ASTN1: variants seen among roughly 807,000 people sequenced by gnomAD.
ASTN1 encodes astrotactin-1.
A neutral mutation model predicts 140.7 loss-of-function variants in ASTN1; 41 were observed. That is an observed-to-expected ratio of 0.29 (90% CI 0.23 to 0.38). The LOEUF is 0.38. ASTN1 is among the 10% of genes least tolerant of loss of function. The pLI is 1.00. For synonymous variants in ASTN1, 640 were observed against 652.2 expected (o/e 0.98, Z 0.29); for missense variants, 1,479 against 1,678.8 (o/e 0.88, Z 2.08).
chr1:177,075,909 C>T (rs554406176), intron 1 of ASTN1, among the ~76,000 whole-genome samples: 56 of 151,906 alleles, frequency 3.7e-4, no homozygotes, highest in African/African-American at 1.2e-4. Context: ...CCCAAAGCAC[C>T]GTGATTACAG....
At chr1:177,142,905 G>C (rs11484576) in intron 1 of ASTN1, among the ~76,000 whole-genome samples, 4 of 137,306 alleles carry the variant, frequency 2.9e-5, no homozygotes, top group East Asian at 2.3e-4. Flanking sequence ...AAAAAAAAAG[G>C]GGGGGAGGGG....
At chr1:176,879,782 G>T (rs1217894300) in intron 20 of ASTN1, among the ~76,000 whole-genome samples, 1 of 152,206 alleles carries the variant, frequency 6.6e-6, no homozygotes, top group Non-Finnish European at 1.5e-5. Context: ...GCAGGTATTA[G>T]AAAAGGAGAT....
chr1:177,024,822 A>G (rs1297570443), intron 5 of ASTN1, 90 bp from the exon 6 acceptor site: 2 of 1,442,822 alleles, frequency 1.4e-6, no homozygotes, highest in East Asian at 2.4e-5. Context: ...CCTGGCAAAC[A>G]GGGGAGACAG....
Position 177,032,511 on chromosome 1 carries a change from G to GC in ASTN1, c.809dup (p.Thr271HisfsTer10). 1 of 1,614,110 alleles carries GC rather than the reference G, an allele frequency of 6.2e-7. No individual in the cohort carries two copies. Among genetic ancestry groups the GC allele is most frequent in the Non-Finnish European group, 8.5e-7 (1 of 1,180,018 alleles). Reference sequence around the variant, plus strand: ...TGCAGCCCTGCAGGGAGTCGAGGGTGCGCGTGACCTGGCTGGCAAAGTCCT... The same window carrying GC: ...TGCAGCCCTGCAGGGAGTCGAGGGTGCCGCGTGACCTGGCTGGCAAAGTCCT... On this transcript the variant is annotated frameshift_variant, in exon 3 of 23. Coordinates refer to ENST00000361833, the MANE Select transcript of ASTN1 (RefSeq NM_004319.3). LOFTEE classifies it high-confidence loss of function.
At chr1:176,909,814 G>A (rs979746977) in intron 16 of ASTN1, among the ~76,000 whole-genome samples, 1 of 152,016 alleles carries the variant, frequency 6.6e-6, no homozygotes, top group Non-Finnish European at 1.5e-5. Context: ...GACCCTGGGC[G>A]TATCTTTCCA....
chr1:177,078,961 A>C (rs1226847253), intron 1 of ASTN1, among the ~76,000 whole-genome samples: 2 of 152,196 alleles, frequency 1.3e-5, no homozygotes, highest in Non-Finnish European at 2.9e-5. Context: ...AGTAGAAAAA[A>C]GTCTGGTTTG....
At chr1:177,132,955 T>C (rs1276565112) in intron 1 of ASTN1, among the ~76,000 whole-genome samples, 1 of 152,228 alleles carries the variant, frequency 6.6e-6, no homozygotes, top group Non-Finnish European at 1.5e-5. Flanking sequence ...CTCCTTGTGA[T>C]CCAGCATGGG....
intron 16 of ASTN1, among the ~76,000 whole-genome samples, chr1:176,906,390 CA>C (rs1261336025): frequency 1.3e-5 from 2 of 152,116 alleles, no homozygotes; most frequent in Non-Finnish European, 2.9e-5. Flanking sequence ...CAACATGTGT[CA>C]GAAACAGTGC....
At chr1:176,885,330 G>A (rs760885505) in intron 18 of ASTN1, among the ~76,000 whole-genome samples, 5 of 152,048 alleles carry the variant, frequency 3.3e-5, no homozygotes, top group Admixed American at 6.6e-5. Context: ...TCTGTACCTC[G>A]CAGAAACTTA....
intron 1 of ASTN1, among the ~76,000 whole-genome samples, chr1:177,145,777 G>C (rs1310327458): frequency 1.3e-5 from 2 of 152,148 alleles, no homozygotes; most frequent in African/African-American, 4.8e-5. Flanking sequence ...TTATTCTGTG[G>C]GAATGTTGTA....
intron 9 of ASTN1, among the ~76,000 whole-genome samples, chr1:176,959,101 AT>A (rs140325039): frequency 0.17 from 26,403 of 150,934 alleles, 3,035 homozygotes; most frequent in Non-Finnish European, 0.26. Flanking sequence ...TACAGGGAAG[AT>A]TTTTTTTTTA....
chr1:176,907,512 G>A (rs1670052968), intron 16 of ASTN1, among the ~76,000 whole-genome samples: 1 of 152,168 alleles, frequency 6.6e-6, no homozygotes, highest in African/African-American at 2.4e-5. Context: ...TACTTCACAA[G>A]CACTTTGCTT....
intron 1 of ASTN1, among the ~76,000 whole-genome samples, chr1:177,087,989 GAGCTGTTTGCAA>G (rs1225601154): frequency 1.3e-5 from 2 of 152,120 alleles, no homozygotes; most frequent in Non-Finnish European, 1.5e-5. Context: ...GGGATTTACT[GAGCTGTTTGCAA>G]AGAGCTTTGG....
chr1:177,066,165 TCTC>T (rs1678342324), intron 1 of ASTN1, among the ~76,000 whole-genome samples: 1 of 152,154 alleles, frequency 6.6e-6, no homozygotes, highest in South Asian at 2.1e-4. Flanking sequence ...AAACTCCACT[TCTC>T]CTTTCCCTCT....
chr1:176,966,876 TAATA>T (rs1395410320), intron 8 of ASTN1, among the ~76,000 whole-genome samples: 1 of 152,008 alleles, frequency 6.6e-6, no homozygotes, highest in Non-Finnish European at 1.5e-5. Flanking sequence ...CTCCCTTAAT[TAATA>T]TTGAGACACT....
intron 1 of ASTN1, among the ~76,000 whole-genome samples, chr1:177,082,718 C>T (rs910463825): frequency 6.6e-6 from 1 of 152,132 alleles, no homozygotes; most frequent in Admixed American, 6.6e-5. Flanking sequence ...AACACTGGCC[C>T]CTTGCATTAA....
rs572599082 is a variant in ASTN1 at position 177,102,067 on chromosome 1, C to T, written c.284-40802G>A. Among the ~76,000 whole-genome samples the T allele has an allele frequency of 7.2e-5, 11 of 152,258 alleles. No homozygotes were observed. In the South Asian group the frequency reaches 1.9e-3, roughly 26 times the overall value. On this transcript the variant is annotated intron_variant, in intron 1 of 22. Transcript: ENST00000361833. ...AGTCTGCAGTATCTGAAATGGGTCC[C>T]ACTAATTACAAAGAGAAATCAGACA...
At chr1:176,958,310 C>T in intron 10 of ASTN1, 35 bp downstream of exon 10, 1 of 1,611,826 alleles carries the variant, frequency 6.2e-7, no homozygotes, top group East Asian at 2.2e-5. Context: ...GCTTCCCAAG[C>T]CAATTGCAGG....
chr1:177,062,021 C>G (rs1277305493), intron 1 of ASTN1, among the ~76,000 whole-genome samples: 1 of 152,068 alleles, frequency 6.6e-6, no homozygotes, highest in African/African-American at 2.4e-5. Flanking sequence ...AATACGAAAA[C>G]TGACTATGCC....
Sources: gnomAD v4.1 joint callset for allele counts (sites outside exome capture counted in the v4.1 genomes callset) on GRCh38, gnomAD v4.1.1 for gene constraint, MANE v1.5 for transcripts, NCBI Gene and HGNC (gene_info 2026-07-23, HGNC 2026-07-21) for gene names.